The following ADAM22 variants were observed in gnomAD, a reference collection of about 807,000 sequenced individuals.
The protein encoded by ADAM22 is disintegrin and metalloproteinase domain-containing protein 22.
In ADAM22, 65 loss-of-function variants were observed where a neutral mutation model predicts 144.6. The observed-to-expected ratio is 0.45, with a 90% CI of 0.37 to 0.55. The LOEUF is 0.55. Ranked by LOEUF, ADAM22 falls within the 20% of genes least tolerant of loss-of-function variation. The pLI is 0.00. For missense variants in ADAM22, 974 were observed against 1,184.9 expected, an observed-to-expected ratio of 0.82 and a Z score of 2.61; for synonymous variants, 391 against 412.6, an observed-to-expected ratio of 0.95 and a Z score of 0.63.
At chr7:88,029,897 T>A (rs918285453) in intron 3 of ADAM22, among the ~76,000 whole-genome samples, 3 of 152,094 alleles carry the variant, frequency 2.0e-5, no homozygotes, top group Non-Finnish European at 4.4e-5. Context: ...TTAGGATCCT[T>A]TCTTTTTTCT....
chr7:88,081,353 A>C (rs889245652), intron 4 of ADAM22, among the ~76,000 whole-genome samples: 6 of 152,142 alleles, frequency 3.9e-5, no homozygotes, highest in Non-Finnish European at 8.8e-5. Flanking sequence ...AAATAATAAG[A>C]GCTATCTATA....
chr7:87,957,506 G>C (rs144254544), intron 2 of ADAM22, among the ~76,000 whole-genome samples: 160 of 152,224 alleles, frequency 1.1e-3, no homozygotes, highest in African/African-American at 3.5e-3. Context: ...TTGCCCTTCT[G>C]TTTTCCCCTT....
At chr7:87,984,114 T>TA (rs1854365152) in intron 3 of ADAM22, among the ~76,000 whole-genome samples, 2 of 152,218 alleles carry the variant, frequency 1.3e-5, no homozygotes, top group South Asian at 4.1e-4. Flanking sequence ...TCCTATTTTT[T>TA]ATCTTAATTA....
intron 3 of ADAM22, among the ~76,000 whole-genome samples, chr7:88,025,095 T>A (rs1389155112): frequency 6.6e-6 from 1 of 152,192 alleles, no homozygotes; most frequent in Non-Finnish European, 1.5e-5. Context: ...TCAAATGGTA[T>A]TTCTAGTTCT....
At chr7:88,136,881 G>T (rs1403462506) in intron 14 of ADAM22, among the ~76,000 whole-genome samples, 1 of 151,870 alleles carries the variant, frequency 6.6e-6, no homozygotes, top group East Asian at 2.0e-4. Flanking sequence ...TTTAAACTAG[G>T]ACAATAATGA....
At chr7:88,189,915 G>A (rs1222921063) in intron 30 of ADAM22, among the ~76,000 whole-genome samples, 1 of 152,016 alleles carries the variant, frequency 6.6e-6, no homozygotes, top group Non-Finnish European at 1.5e-5. Flanking sequence ...CTGTACTCCA[G>A]CCTGGCGACA....
chr7:88,137,085 C>A (rs1036649393), intron 14 of ADAM22, among the ~76,000 whole-genome samples: 1 of 152,188 alleles, frequency 6.6e-6, no homozygotes, highest in Admixed American at 6.5e-5. Context: ...TCAAGTCATT[C>A]TTTATACTTT....
At chr7:88,130,346 G>T in intron 9 of ADAM22, 42 bp from the exon 10 acceptor site, 2 of 1,496,854 alleles carry the variant, frequency 1.3e-6, no homozygotes, top group South Asian at 1.2e-5. Context: ...ATTGTTTTCT[G>T]ATCACTTTGC....
At chr7:88,153,824 G>GTTCC (rs1274158196) in intron 21 of ADAM22, among the ~76,000 whole-genome samples, 2 of 152,024 alleles carry the variant, frequency 1.3e-5, no homozygotes, top group African/African-American at 4.8e-5. Flanking sequence ...ATTCACTTAC[G>GTTCC]TTCCTATTAC....
At chr7:87,964,094 TTC>T (rs2129445747) in intron 2 of ADAM22, among the ~76,000 whole-genome samples, 1 of 152,344 alleles carries the variant, frequency 6.6e-6, no homozygotes, top group Non-Finnish European at 1.5e-5. Flanking sequence ...TGTAAGACCC[TTC>T]AGTGGTGATC....
intron 3 of ADAM22, among the ~76,000 whole-genome samples, chr7:88,001,282 A>G (rs1300352372): frequency 6.6e-6 from 1 of 152,234 alleles, no homozygotes; most frequent in African/African-American, 2.4e-5. Flanking sequence ...CGTGAAATTC[A>G]TTTATATGTA....
At chr7:88,129,452 A>T (rs1033271386) in intron 9 of ADAM22, among the ~76,000 whole-genome samples, 1 of 152,054 alleles carries the variant, frequency 6.6e-6, no homozygotes, top group African/African-American at 2.4e-5. Flanking sequence ...CATAATTTAG[A>T]TCTTAATTAT....
intron 3 of ADAM22, among the ~76,000 whole-genome samples, chr7:88,059,803 G>A (rs545365570): frequency 6.6e-6 from 1 of 152,278 alleles, no homozygotes; most frequent in African/African-American, 2.4e-5. Context: ...ATAAGTGAAA[G>A]CTAAACATTG....
At chr7:88,001,018 A>G (rs1792417615) in intron 3 of ADAM22, among the ~76,000 whole-genome samples, 2 of 152,148 alleles carry the variant, frequency 1.3e-5, no homozygotes, top group Admixed American at 6.5e-5. Context: ...AATTGTTTCT[A>G]TCTTTTGGGG....
At chr7:88,125,475 G>C (rs1445510647) in intron 7 of ADAM22, 114 bp from the exon 8 acceptor site, 1 of 643,054 alleles carries the variant, frequency 1.6e-6, no homozygotes, top group Admixed American at 3.2e-5. Context: ...TGATCGTTAA[G>C]TGCAACATTA....
intron 3 of ADAM22, among the ~76,000 whole-genome samples, chr7:88,028,406 T>A (rs1423336784): frequency 1.3e-5 from 2 of 152,196 alleles, no homozygotes; most frequent in African/African-American, 4.8e-5. Flanking sequence ...TAATATATGG[T>A]CTATTCTTGA....
chr7:88,148,856 C>A lies in ADAM22; in HGVS notation c.1486-121C>A, dbSNP rs143820358. 85 of 681,090 alleles carry A rather than the reference C, an allele frequency of 1.2e-4. No homozygotes were observed. The African/African-American group carries it at 1.3e-3, about 10-fold the overall frequency. The allele number at this position is 681,090 out of a possible 1,614,324, so 42.2% of individuals were successfully genotyped here. ...CAGTAACTGTGGTTTTGACAGATTA[C>A]CATCTTACAGTAGTTTAAGGTATTT... On this transcript the variant is annotated intron_variant, in intron 17 of 31. Transcript: ENST00000413139.
intron 3 of ADAM22, among the ~76,000 whole-genome samples, chr7:88,057,509 G>A (rs1808603498): frequency 6.6e-6 from 1 of 152,114 alleles, no homozygotes; most frequent in African/African-American, 2.4e-5. Flanking sequence ...CAGCATCATT[G>A]ACATAAATGA....
intron 3 of ADAM22, among the ~76,000 whole-genome samples, chr7:88,056,971 C>G (rs993717592): frequency 6.6e-6 from 1 of 152,090 alleles, no homozygotes; most frequent in Non-Finnish European, 1.5e-5. Context: ...ACAGGCCTTT[C>G]AAAACTTATA....
Sources: allele counts gnomAD v4.1 joint callset (sites outside exome capture counted in the v4.1 genomes callset), GRCh38; gene constraint gnomAD v4.1.1; transcripts MANE v1.5; gene names NCBI Gene and HGNC (gene_info 2026-07-23, HGNC 2026-07-21).